TMEM132D: variants seen among roughly 807,000 people sequenced by gnomAD.
TMEM132D encodes the protein transmembrane protein 132D.
Under a neutral mutation model 62.3 loss-of-function variants are expected in TMEM132D, and 21 were observed. The ratio of observed to expected loss-of-function variants is 0.34; its 90% CI spans 0.24 to 0.49. The LOEUF is 0.49. Among genes scored for constraint, TMEM132D ranks in the 20% least tolerant of loss-of-function variants. The pLI, the probability that TMEM132D is intolerant of heterozygous loss-of-function variation, is 0.99. For missense variants in TMEM132D, 1,346 were observed against 1,402.8 expected (o/e 0.96, Z 0.65); for synonymous variants, 621 against 575.6 (o/e 1.08, Z -1.13).
At chr12:129,670,664 C>T (rs971578979) in intron 2 of TMEM132D, among the ~76,000 whole-genome samples, 4 of 152,200 alleles carry the variant, frequency 2.6e-5, no homozygotes, top group Non-Finnish European at 4.4e-5. Context: ...ACTCTGGTCT[C>T]CCACAGCAGG....
chr12:129,187,087 C>T (rs779953006), intron 5 of TMEM132D, among the ~76,000 whole-genome samples: 10 of 152,202 alleles, frequency 6.6e-5, no homozygotes, highest in African/African-American at 9.7e-5. Context: ...CCCAGGCACA[C>T]GGCTAGCCTG....
At chr12:129,487,035 G>C (rs7977855) in intron 3 of TMEM132D, among the ~76,000 whole-genome samples, 3,395 of 151,978 alleles carry the variant, frequency 0.022, 125 homozygotes, top group African/African-American at 0.076. Flanking sequence ...TGCGTATGGG[G>C]GGGGGGGTTG....
intron 1 of TMEM132D, among the ~76,000 whole-genome samples, chr12:129,739,117 C>T (rs2137258035): frequency 6.6e-6 from 1 of 152,292 alleles, no homozygotes; most frequent in Middle Eastern, 3.4e-3. Flanking sequence ...GGACTGGCCT[C>T]TGCCCTAGCC....
intron 1 of TMEM132D, among the ~76,000 whole-genome samples, chr12:129,803,312 A>C (rs951911292): frequency 2.7e-5 from 4 of 150,534 alleles, no homozygotes; most frequent in African/African-American, 9.8e-5. Flanking sequence ...CAGCAAATGT[A>C]AAAGAACAGA....
chr12:129,459,800 A>G (rs1873599165), intron 3 of TMEM132D, among the ~76,000 whole-genome samples: 1 of 152,204 alleles, frequency 6.6e-6, no homozygotes. Context: ...AAATATCTGT[A>G]GCCTATAGTG....
At chr12:129,780,040 C>T (rs891611428) in intron 1 of TMEM132D, among the ~76,000 whole-genome samples, 1 of 142,376 alleles carries the variant, frequency 7.0e-6, no homozygotes, top group Non-Finnish European at 1.6e-5. Context: ...TGTGAAGAGC[C>T]GACTCCACAC....
intron 2 of TMEM132D, among the ~76,000 whole-genome samples, chr12:129,622,619 T>C (rs750549406): frequency 6.6e-6 from 1 of 152,218 alleles, no homozygotes; most frequent in Non-Finnish European, 1.5e-5. Flanking sequence ...CTCTGAACTC[T>C]ACTATATGGT....
chr12:129,150,724 G>A (rs1420392208), intron 5 of TMEM132D, among the ~76,000 whole-genome samples: 1 of 152,226 alleles, frequency 6.6e-6, no homozygotes, highest in African/African-American at 2.4e-5. Flanking sequence ...GTCACAGAGA[G>A]GCTGGCAGGC....
chr12:129,406,423 A>AACCTG (rs1350448028), intron 3 of TMEM132D, among the ~76,000 whole-genome samples: 2 of 152,160 alleles, frequency 1.3e-5, no homozygotes, highest in Non-Finnish European at 1.5e-5. Flanking sequence ...GATTGAGAGC[A>AACCTG]ACCTGACTAA....
In TMEM132D at chr12:129,467,351, A is replaced by C. The variant is rs535842677; in HGVS notation, c.1115+63708T>G. ...GCAGACTCTCAAAGATGGTGAAAGGAAGCTGGGGGCTTAAGAGAAACCAGT... is the reference window on the plus strand; with the variant it reads ...GCAGACTCTCAAAGATGGTGAAAGGCAGCTGGGGGCTTAAGAGAAACCAGT... On this transcript the variant is annotated intron_variant, in intron 3 of 8. Transcript: ENST00000422113. 8.7e-4 allele frequency among the ~76,000 whole-genome samples: 133 copies of C among 152,288 alleles called. 2 individuals are homozygous for C. In the South Asian group the frequency reaches 0.027, roughly 31 times the overall value.
At chr12:129,606,265 G>C (rs1338232050) in intron 2 of TMEM132D, among the ~76,000 whole-genome samples, 2 of 152,096 alleles carry the variant, frequency 1.3e-5, no homozygotes, top group African/African-American at 4.8e-5. Context: ...AAAGGGGCTT[G>C]GGGCAATTGT....
intron 2 of TMEM132D, among the ~76,000 whole-genome samples, chr12:129,537,895 G>A (rs1024420654): frequency 6.6e-6 from 1 of 151,496 alleles, no homozygotes; most frequent in African/African-American, 2.4e-5. Context: ...GCAAAGCTCA[G>A]CCTGTCATTA....
At chr12:129,174,036 A>G (rs1877824959) in intron 5 of TMEM132D, among the ~76,000 whole-genome samples, 1 of 152,240 alleles carries the variant, frequency 6.6e-6, no homozygotes, top group South Asian at 2.1e-4. Flanking sequence ...GAACAAACGT[A>G]GCCTGGTTAC....
rs370724887 is a variant in TMEM132D, at chr12:129,867,313, A to T, written c.79+35948T>A. On this transcript the variant is annotated intron_variant, in intron 1 of 8. Transcript: ENST00000422113. The surrounding 1 kb of genome is among the most constrained non-coding windows in gnomAD (Gnocchi z 4.5). ...TGCCATTTGCAACAATATATACATGACACTGAAAGACACGAAGTTAAGTGA... is the reference window on the plus strand; with the variant it reads ...TGCCATTTGCAACAATATATACATGTCACTGAAAGACACGAAGTTAAGTGA... Among the ~76,000 whole-genome samples the T allele has an allele frequency of 1.3e-5, 2 of 152,022 alleles. No homozygotes were observed. The highest frequency in any genetic ancestry group is 3.9e-4 in the East Asian group (2 of 5,162).
chr12:129,370,025 T>C (rs1309802306), intron 3 of TMEM132D, among the ~76,000 whole-genome samples: 1 of 152,070 alleles, frequency 6.6e-6, no homozygotes, highest in East Asian at 1.9e-4. Flanking sequence ...TTCATGGGGC[T>C]CCCCTACCCA....
intron 3 of TMEM132D, among the ~76,000 whole-genome samples, chr12:129,506,637 G>T (rs977145142): frequency 1.3e-5 from 2 of 152,124 alleles, no homozygotes; most frequent in Admixed American, 1.3e-4. Flanking sequence ...AAATGGTGCT[G>T]GGATAACTGG....
chr12:129,432,182 G>C (rs1004850732), intron 3 of TMEM132D, among the ~76,000 whole-genome samples: 3 of 151,576 alleles, frequency 2.0e-5, no homozygotes, highest in African/African-American at 4.8e-5. Context: ...TGGATGGATG[G>C]ATGGATGGAT....
chr12:129,866,604 A>T (rs112024459), intron 1 of TMEM132D, among the ~76,000 whole-genome samples: 45 of 128,080 alleles, frequency 3.5e-4, no homozygotes, highest in African/African-American at 8.8e-4. Context: ...AAAATATATT[A>T]AAAAAAAAAA....
Position 129,484,141 on chromosome 12 carries a change from T to C in TMEM132D, c.1115+46918A>G, listed in dbSNP as rs192198057. Among the ~76,000 whole-genome samples the C allele has an allele frequency of 1.3e-3, 201 of 152,234 alleles. 1 individual carries two copies. In the South Asian group the frequency reaches 0.02, roughly 15 times the overall value. On this transcript the variant is annotated intron_variant, in intron 3 of 8. Transcript: ENST00000422113. ...TGCACCACCATACTTGGCTTATTTT[T>C]GTATTTTTAGTAGAGATGGGGATTC...
Sources: allele counts gnomAD v4.1 joint callset (sites outside exome capture counted in the v4.1 genomes callset), GRCh38; gene constraint gnomAD v4.1.1; non-coding constraint Gnocchi (gnomAD v3.1); transcripts MANE v1.5; gene names NCBI Gene and HGNC (gene_info 2026-07-23, HGNC 2026-07-21).